The following DMTN variants were observed in gnomAD, a reference collection of about 807,000 sequenced individuals.
The protein encoded by DMTN is dematin.
Under a neutral mutation model 59.4 loss-of-function variants are expected in DMTN, and 27 were observed. The observed-to-expected ratio is 0.45, with a 90% confidence interval of 0.33 to 0.63. DMTN has a LOEUF of 0.63. Ranked by LOEUF, DMTN falls within the 20% of genes least tolerant of loss-of-function variation. The probability of loss-of-function intolerance (pLI) is 0.02; values close to 1 mark genes in which losing one functional copy is unlikely to be tolerated. For missense variants in DMTN, 451 were observed against 528.9 expected (o/e 0.85, Z 1.45); for synonymous variants, 221 against 203.7 (o/e 1.08, Z -0.72).
chr8:22,081,671 T>G lies in DMTN; in HGVS notation c.*208T>G, dbSNP rs945938019. On this transcript the variant is annotated 3_prime_UTR_variant, in exon 16 of 16. Transcript: ENST00000358242. ...GCTGGGGGCCTCCTGCTCTCGTCCC[T>G]GGCCCTCCCTGCACAGGGCAAAGCC... The G allele has an allele frequency of 6.7e-6, 4 of 598,204 alleles. No homozygotes were observed. Among genetic ancestry groups the G allele is most frequent in the East Asian group, 2.9e-5 (1 of 34,804 alleles). 37.1% of individuals were successfully genotyped at this position (598,204 alleles called of 1,614,324 possible). A position where few individuals can be genotyped will look rare whatever the true frequency, so the allele number is the denominator to read the frequency against.
chr8:22,064,744 C>T (rs1809244472), intron 1 of DMTN, among the ~76,000 whole-genome samples: 1 of 152,196 alleles, frequency 6.6e-6, no homozygotes, highest in Admixed American at 6.5e-5. Flanking sequence ...AGGTGTGAGC[C>T]ACCGCGCCCG....
upstream of DMTN, among the ~76,000 whole-genome samples, chr8:22,049,384 G>A (rs1044910056): frequency 1.3e-5 from 2 of 151,600 alleles, no homozygotes; most frequent in Non-Finnish European, 3.0e-5. Context: ...GATGGCCCGG[G>A]GGGTAGGGGG....
rs75595766 is a variant in DMTN, at chr8:22,081,646, G to A, written c.*183G>A. ...TATGGACTTTCTTCCCCCTCACAAG[G>A]CTGGGGGCCTCCTGCTCTCGTCCCT... is the stretch of plus-strand genomic sequence containing the variant. On this transcript the variant is annotated 3_prime_UTR_variant, in exon 16 of 16. Transcript: ENST00000358242. The A allele has an allele frequency of 5.8e-3, 3,576 of 619,228 alleles. 108 individuals are homozygous for A. The African/African-American group carries it at 0.059, about 10-fold the overall frequency. The allele number at this position is 619,228 out of a possible 1,614,324, so 38.4% of individuals were successfully genotyped here.
chr8:22,080,455 G>T lies in DMTN; in HGVS notation c.944G>T (p.Ser315Ile). The part of the protein sequence containing the change: ...EFSPSGSETG[S>I]PGLQNGEGQR... Reference sequence around the variant, plus strand: ...AGCCCATCAGGGAGTGAGACTGGAAGCCCAGGTGAGAAGTGGGGCCTGGTG... The same window carrying T: ...AGCCCATCAGGGAGTGAGACTGGAATCCCAGGTGAGAAGTGGGGCCTGGTG... The change falls in exon 12 of 16, where the codon AGC becomes ATC. Residue 315 changes from serine to isoleucine, a missense_variant. Physicochemically the swap from Ser to Ile is moderately radical, Grantham distance 142 (BLOSUM62 -2). Coordinates refer to ENST00000358242, the MANE Select transcript of DMTN (RefSeq NM_001387751.1). 1 of 1,614,262 alleles carries T rather than the reference G, an allele frequency of 6.2e-7. No homozygotes were observed. The highest frequency in any genetic ancestry group is 8.5e-7 in the Non-Finnish European group (1 of 1,180,054).
At chr8:22,067,004 G>A in intron 2 of DMTN, 81 bp from the exon 3 acceptor site, 3 of 1,313,964 alleles carry the variant, frequency 2.3e-6, no homozygotes, top group Non-Finnish European at 2.9e-6. Flanking sequence ...AGCGCCCCGG[G>A]TCCCCCAGGC....
chr8:22,080,380 G>A lies in DMTN; in HGVS notation c.901-32G>A, dbSNP rs762611055. On this transcript the variant is annotated intron_variant, in intron 11 of 15. Transcript: ENST00000358242. The stretch of plus-strand genomic sequence containing the variant: ...AAGGGGACCAAAGGTGAATATCCCC[G>A]ACTGCCTCTGATTCCTTTGTGTCCT... 5.6e-6 allele frequency: 9 copies of A among 1,613,976 alleles called. No homozygotes were observed. In the African/African-American group the frequency reaches 9.3e-5, roughly 17 times the overall value.
upstream of DMTN, among the ~76,000 whole-genome samples, chr8:22,054,037 G>T (rs1427003453): frequency 6.6e-6 from 1 of 152,110 alleles, no homozygotes; most frequent in Admixed American, 6.5e-5. Context: ...CAGTGACGAG[G>T]TAGGGTCAGA....
In DMTN at chr8:22,082,186, G is replaced by A. The variant is rs768290716; in HGVS notation, c.*723G>A. The A allele has an allele frequency of 1.3e-4, 59 of 456,844 alleles. 1 individual carries two copies. Among genetic ancestry groups the A allele is most frequent in the Middle Eastern group, 9.8e-4 (3 of 3,076 alleles). The allele number at this position is 456,844 out of a possible 1,614,324, so 28.3% of individuals were successfully genotyped here. A position where few individuals can be genotyped will look rare whatever the true frequency, so the allele number is the denominator to read the frequency against. On this transcript the variant is annotated 3_prime_UTR_variant, in exon 16 of 16. Coordinates refer to ENST00000358242, the MANE Select transcript of DMTN (RefSeq NM_001387751.1). ...GCACCGGGCAGAAGCTGGGCCTTCCGCCTCCCTTGGATGGGGTCAAGAGGC... is the reference window on the plus strand; with the variant it reads ...GCACCGGGCAGAAGCTGGGCCTTCCACCTCCCTTGGATGGGGTCAAGAGGC...
intron 14 of DMTN, 78 bp downstream of exon 14, chr8:22,080,948 G>T (rs1823873257): frequency 6.6e-6 from 10 of 1,508,292 alleles, no homozygotes; most frequent in Non-Finnish European, 9.0e-6. Context: ...TGTGCTGCGG[G>T]GTCTTCCTGG....
intron 1 of DMTN, among the ~76,000 whole-genome samples, chr8:22,066,087 T>C (rs1050619055): frequency 2.6e-5 from 4 of 152,138 alleles, no homozygotes; most frequent in Non-Finnish European, 5.9e-5. Flanking sequence ...CAAGCAATCC[T>C]CCTGCCTCAG....
At chr8:22,062,937 G>A (rs1807727643) in intron 1 of DMTN, among the ~76,000 whole-genome samples, 1 of 149,872 alleles carries the variant, frequency 6.7e-6, no homozygotes, top group African/African-American at 2.5e-5. Context: ...TCCTCTCTCT[G>A]ACTGTGCCAT....
chr8:22,065,532 A>G (rs1809840690), intron 1 of DMTN, among the ~76,000 whole-genome samples: 1 of 152,122 alleles, frequency 6.6e-6, no homozygotes, highest in African/African-American at 2.4e-5. Context: ...TGGACAGAGC[A>G]GTGGAAGGTG....
At chr8:22,077,170 A>T (rs9314296) in intron 10 of DMTN, among the ~76,000 whole-genome samples, 4 of 151,488 alleles carry the variant, frequency 2.6e-5, no homozygotes, top group Non-Finnish European at 4.4e-5. Context: ...GCCCAGCCAC[A>T]GAGCCGAAAC....
intron 7 of DMTN, 71 bp downstream of exon 7, chr8:22,070,008 G>C (rs1380045956): frequency 1.9e-6 from 3 of 1,600,188 alleles, no homozygotes; most frequent in Non-Finnish European, 1.7e-6. Flanking sequence ...TGGGGCTGCG[G>C]GCTGGCTGGA....
chr8:22,072,702 T>C (rs113945115), intron 9 of DMTN, among the ~76,000 whole-genome samples: 6,498 of 149,596 alleles, frequency 0.043, 146 homozygotes, highest in Middle Eastern at 0.071. Flanking sequence ...CTCGAACTCC[T>C]GACCTCAAGC....
chr8:22,078,336 G>A (rs1821230172), intron 10 of DMTN, among the ~76,000 whole-genome samples: 1 of 151,188 alleles, frequency 6.6e-6, no homozygotes, highest in Admixed American at 6.6e-5. Context: ...CTGCACTCCA[G>A]CCTAGGCAAC....
intron 13 of DMTN, 64 bp from the exon 14 acceptor site, chr8:22,080,741 C>G: frequency 1.9e-6 from 3 of 1,587,660 alleles, no homozygotes; most frequent in Non-Finnish European, 2.6e-6. Flanking sequence ...GAAGAAGAAG[C>G]CGGGGTAAGG....
chr8:22,072,024 G>T (rs1397032305), intron 8 of DMTN, among the ~76,000 whole-genome samples: 1 of 152,062 alleles, frequency 6.6e-6, no homozygotes, highest in Non-Finnish European at 1.5e-5. Flanking sequence ...GTCCCCAGCA[G>T]CTGGGACTAC....
upstream of DMTN, among the ~76,000 whole-genome samples, chr8:22,049,417 G>A (rs1238260564): frequency 2.0e-5 from 3 of 151,814 alleles, no homozygotes; most frequent in Non-Finnish European, 4.4e-5. Flanking sequence ...GGAGGAAGGG[G>A]CGGCCTTGCC....
Sources: allele counts gnomAD v4.1 joint callset (sites outside exome capture counted in the v4.1 genomes callset), GRCh38; gene constraint gnomAD v4.1.1; transcripts MANE v1.5; gene names NCBI Gene and HGNC (gene_info 2026-07-23, HGNC 2026-07-21).